NUP62CL: variants seen among roughly 807,000 people sequenced by gnomAD.
NUP62CL encodes the protein nucleoporin 62 C-terminal like, also known as nucleoporin-62 C-terminal-like protein.
A neutral mutation model predicts 15.3 loss-of-function variants in NUP62CL; 13 were observed. The ratio of observed to expected loss-of-function variants is 0.85; its 90% CI spans 0.55 to 1.35. NUP62CL has a LOEUF of 1.35. NUP62CL is among the 40% of genes most tolerant of loss of function. The pLI is 0.00. For synonymous variants in NUP62CL, 54 were observed against 49.2 expected (o/e 1.10, Z -0.41); for missense variants, 123 against 130.6 (o/e 0.94, Z 0.28).
chrX:107,167,714 A>G lies in NUP62CL; in HGVS notation c.129T>C (p.Thr43=). ...TTGATAACAGTTGGTTTTGGTTCAC[A>G]GTAAAGCCACTGGTGATTGTGGTAG... ...NTTTTITSGF[T]VNQNQLLSRG... is the part of the protein sequence containing the mutation. The change falls in exon 4 of 9, where the codon ACT becomes ACC. Residue 43 remains threonine, a synonymous_variant. Coordinates refer to ENST00000372466, the MANE Select transcript of NUP62CL (RefSeq NM_017681.3). 4 of 1,209,512 alleles carry G rather than the reference A, an allele frequency of 3.3e-6. No individual in the cohort carries two copies. The highest frequency in any genetic ancestry group is 4.5e-6 in the Non-Finnish European group (4 of 893,476).
intron 8 of NUP62CL, among the ~76,000 whole-genome samples, chrX:107,146,510 G>A (rs1040778417): frequency 1.9e-4 from 21 of 111,821 alleles, no homozygotes; most frequent in Non-Finnish European, 3.2e-4. Context: ...GAATGAGGCA[G>A]GTGTTCAAGA....
At chrX:107,172,167 A>G (rs1926668618) in intron 3 of NUP62CL, among the ~76,000 whole-genome samples, 1 of 107,821 alleles carries the variant, frequency 9.3e-6, no homozygotes, top group Admixed American at 1.0e-4. Flanking sequence ...CTACTAAAAA[A>G]AAAAAAAAAA....
intron 4 of NUP62CL, among the ~76,000 whole-genome samples, chrX:107,165,735 T>G (rs745585451): frequency 8.9e-6 from 1 of 111,799 alleles, no homozygotes; most frequent in Admixed American, 9.5e-5. Flanking sequence ...CTTAAGACTA[T>G]CAATTGAGGC....
At position 107,137,523 on chromosome X, in the gene NUP62CL, A is replaced by C. The variant is rs375012432; in HGVS notation, c.*42+10220T>G. On this transcript the variant is annotated intron_variant, in intron 8 of 8. Transcript: ENST00000372466. ...CCACACAAAAAAACCGCCTAGAACTAACAAGTGAGTTCAGCAATGTCAAAA... is the reference window on the plus strand; with the variant it reads ...CCACACAAAAAAACCGCCTAGAACTCACAAGTGAGTTCAGCAATGTCAAAA... Among the ~76,000 whole-genome samples the C allele has an allele frequency of 2.7e-5, 3 of 112,343 alleles. No individual in the cohort carries two copies. In the South Asian group the frequency reaches 1.1e-3, roughly 42 times the overall value.
intron 5 of NUP62CL, 24 bp downstream of exon 5, chrX:107,154,072 A>G: frequency 1.7e-6 from 2 of 1,162,598 alleles, no homozygotes; most frequent in Non-Finnish European, 2.3e-6. Flanking sequence ...CAATGTAGGT[A>G]GATTAATGAA....
chrX:107,187,533 G>A (rs1189653812), intron 2 of NUP62CL, among the ~76,000 whole-genome samples: 2 of 111,991 alleles, frequency 1.8e-5, no homozygotes, highest in African/African-American at 6.5e-5. Context: ...GAGTAGCTGG[G>A]ATTACAGGTG....
At chrX:107,160,413 G>A (rs1032180958) in intron 4 of NUP62CL, among the ~76,000 whole-genome samples, 1 of 105,857 alleles carries the variant, frequency 9.4e-6, no homozygotes, top group African/African-American at 3.6e-5. Context: ...AAACAGCATG[G>A]TACTGGTACC....
At chrX:107,157,475 A>G (rs1441827429) in intron 4 of NUP62CL, among the ~76,000 whole-genome samples, 1 of 105,901 alleles carries the variant, frequency 9.4e-6, no homozygotes, top group Non-Finnish European at 2.0e-5. Flanking sequence ...GCCAATATTC[A>G]ACATTCTTAA....
chrX:107,135,828 C>T (rs763644587), intron 8 of NUP62CL, among the ~76,000 whole-genome samples: 4 of 110,855 alleles, frequency 3.6e-5, no homozygotes, highest in South Asian at 3.8e-4. Context: ...TAGAAATAAA[C>T]CATGTATAAG....
chrX:107,180,966 T>C (rs1218044476), intron 2 of NUP62CL, among the ~76,000 whole-genome samples: 1 of 99,928 alleles, frequency 1.0e-5, no homozygotes, highest in African/African-American at 3.8e-5. Flanking sequence ...CCAGTTGGAG[T>C]GGTGCAGTGG....
At chrX:107,190,922 A>G (rs1927221668) in intron 2 of NUP62CL, among the ~76,000 whole-genome samples, 1 of 109,193 alleles carries the variant, frequency 9.2e-6, no homozygotes, top group African/African-American at 3.3e-5. Flanking sequence ...AAAGGAGTGG[A>G]TGCTGTCACC....
intron 1 of NUP62CL, among the ~76,000 whole-genome samples, chrX:107,194,203 C>G (rs1204410309): frequency 3.6e-5 from 4 of 111,193 alleles, no homozygotes; most frequent in Non-Finnish European, 7.5e-5. Flanking sequence ...TTTCCTAGAA[C>G]TGAAGAAAAA....
chrX:107,187,381 C>A (rs1927087751), intron 2 of NUP62CL, among the ~76,000 whole-genome samples: 1 of 111,789 alleles, frequency 8.9e-6, no homozygotes, highest in South Asian at 3.7e-4. Context: ...ATTGTACAAA[C>A]AGCTAATTCT....
In NUP62CL at chrX:107,133,125, G is replaced by A. The variant is rs145756447; in HGVS notation, c.*43-8793C>T. On this transcript the variant is annotated intron_variant, in intron 8 of 8. Coordinates refer to ENST00000372466, the MANE Select transcript of NUP62CL (RefSeq NM_017681.3). The stretch of plus-strand genomic sequence containing the variant: ...TAGCTGAGGGTCATTTCTAGCTTCT[G>A]AAGGCTGCCTTCATTCCTTGGCTCA... Among the ~76,000 whole-genome samples the A allele has an allele frequency of 9.0e-3, 1,002 of 111,307 alleles. 8 individuals are homozygous for A. The highest frequency in any genetic ancestry group is 0.031 in the African/African-American group (962 of 30,579).
intron 1 of NUP62CL, among the ~76,000 whole-genome samples, chrX:107,195,695 C>T (rs2147817698): frequency 9.0e-6 from 1 of 111,629 alleles, no homozygotes; most frequent in Non-Finnish European, 1.9e-5. Context: ...CATCTTAAAA[C>T]TTTTTAAATG....
intron 2 of NUP62CL, among the ~76,000 whole-genome samples, chrX:107,179,046 G>A (rs1435488057): frequency 1.9e-5 from 2 of 106,798 alleles, no homozygotes; most frequent in Non-Finnish European, 3.8e-5. Context: ...ACTGAGCCGA[G>A]ATCGTACCAC....
intron 8 of NUP62CL, among the ~76,000 whole-genome samples, chrX:107,136,079 CAA>C (rs1023020214): frequency 4.1e-4 from 45 of 109,359 alleles, no homozygotes; most frequent in African/African-American, 1.3e-3. Flanking sequence ...AAGAAAATAA[CAA>C]AGAGTTGTTA....
intron 2 of NUP62CL, among the ~76,000 whole-genome samples, chrX:107,188,423 C>T (rs891298782): frequency 2.8e-5 from 3 of 108,611 alleles, no homozygotes; most frequent in East Asian, 2.9e-4. Context: ...GGTAAAAACT[C>T]CCCCCCACCA....
chrX:107,161,677 A>G (rs376802957), intron 4 of NUP62CL, among the ~76,000 whole-genome samples: 9,141 of 71,757 alleles, frequency 0.13, 889 homozygotes, highest in East Asian at 0.43. Context: ...CTAATGCTAG[A>G]TGATGAGTTA....
Sources: gnomAD v4.1 joint callset for allele counts (sites outside exome capture counted in the v4.1 genomes callset) on GRCh38, gnomAD v4.1.1 for gene constraint, MANE v1.5 for transcripts, NCBI Gene and HGNC (gene_info 2026-07-23, HGNC 2026-07-21) for gene names.